FOXN2: variants seen among roughly 807,000 people sequenced by gnomAD.
FOXN2 encodes the protein forkhead box N2, also known as forkhead box protein N2.
In FOXN2, 19 loss-of-function variants were observed where a neutral mutation model predicts 41.2. The observed-to-expected ratio is 0.46, with a 90% CI of 0.32 to 0.68. The LOEUF is 0.68. Among genes scored for constraint, FOXN2 ranks in the 30% least tolerant of loss-of-function variants. FOXN2 has a pLI of 0.03. For missense variants in FOXN2, 587 were observed against 509.4 expected, an observed-to-expected ratio of 1.15 and a Z score of -1.47; for synonymous variants, 195 against 176.8, an observed-to-expected ratio of 1.10 and a Z score of -0.82.
At chr2:48,324,961 G>A (rs911904460) in intron 1 of FOXN2, among the ~76,000 whole-genome samples, 4 of 152,176 alleles carry the variant, frequency 2.6e-5, no homozygotes, top group African/African-American at 9.7e-5. Flanking sequence ...TGATGAGAGG[G>A]AAGGTAGACA....
At chr2:48,368,569 G>C (rs1022694666) in intron 5 of FOXN2, among the ~76,000 whole-genome samples, 1 of 152,136 alleles carries the variant, frequency 6.6e-6, no homozygotes, top group South Asian at 2.1e-4. Flanking sequence ...GTACACACCT[G>C]TGGTTCCAGC....
At chr2:48,357,840 T>C (rs955683025) in intron 3 of FOXN2, among the ~76,000 whole-genome samples, 1 of 147,756 alleles carries the variant, frequency 6.8e-6, no homozygotes, top group African/African-American at 2.5e-5. Flanking sequence ...CAAAAATACA[T>C]TTGTAAAACT....
At chr2:48,335,118 G>A (rs781066987) in intron 2 of FOXN2, among the ~76,000 whole-genome samples, 32 of 152,062 alleles carry the variant, frequency 2.1e-4, no homozygotes, top group East Asian at 1.9e-4. Context: ...CAAGGAAAAA[G>A]GCACAATATA....
chr2:48,333,178 C>T (rs1289477177), intron 2 of FOXN2, among the ~76,000 whole-genome samples: 1 of 151,970 alleles, frequency 6.6e-6, no homozygotes, highest in Non-Finnish European at 1.5e-5. Flanking sequence ...CAGAGCCATG[C>T]ATGTAGTAGA....
At chr2:48,364,457 C>G (rs1395024545) in intron 5 of FOXN2, among the ~76,000 whole-genome samples, 1 of 152,092 alleles carries the variant, frequency 6.6e-6, no homozygotes, top group Non-Finnish European at 1.5e-5. Context: ...TGAATAGATA[C>G]ACTTGCATGC....
In FOXN2 at chr2:48,346,305, G is replaced by A; in HGVS notation, c.91G>A (p.Gly31Arg). Reference sequence around the variant, plus strand: ...AGGATTAAGCCAGATTTACAAAATGGGAAGCTTGCCTGAAGCTGTTGATGC... The same window carrying A: ...AGGATTAAGCCAGATTTACAAAATGAGAAGCTTGCCTGAAGCTGTTGATGC... Reference protein sequence around the residue: ...IAGLSQIYKMGSLPEAVDAAR... With the variant: ...IAGLSQIYKMRSLPEAVDAAR... The change falls in exon 3 of 7, where the codon GGA becomes AGA. Residue 31 changes from glycine (G) to arginine (R), a missense_variant. Physicochemically the swap from Gly to Arg is moderately radical, Grantham distance 125 (BLOSUM62 -2). Transcript: ENST00000340553. The A allele has an allele frequency of 6.2e-7, 1 of 1,614,196 alleles. No homozygotes were observed. Among genetic ancestry groups the A allele is most frequent in the Non-Finnish European group, 8.5e-7 (1 of 1,180,032 alleles).
intron 2 of FOXN2, among the ~76,000 whole-genome samples, chr2:48,345,683 A>C (rs62137007): frequency 0.32 from 48,274 of 151,978 alleles, 8,373 homozygotes; most frequent in East Asian, 0.52. Flanking sequence ...GACGTGCTGT[A>C]AAAATAGTAT....
chr2:48,320,612 C>T (rs13432998), intron 1 of FOXN2, among the ~76,000 whole-genome samples: 68,526 of 151,782 alleles, frequency 0.45, 15,658 homozygotes, highest in East Asian at 0.52. Context: ...TCAATAATGC[C>T]GTAAGGAGTG....
chr2:48,339,029 T>C (rs905789443), intron 2 of FOXN2, among the ~76,000 whole-genome samples: 4 of 152,166 alleles, frequency 2.6e-5, no homozygotes, highest in African/African-American at 9.7e-5. Context: ...AAGGCTTCAA[T>C]AGATACTTTA....
rs190398995 is a variant in FOXN2, at chr2:48,376,965, T to C, written c.*1522T>C. On this transcript the variant is annotated 3_prime_UTR_variant, in exon 7 of 7. Coordinates refer to ENST00000340553, the MANE Select transcript of FOXN2 (RefSeq NM_002158.4). ...TGTTTCTGTGATTATAAAGCATTTT[T>C]TAAGAGACAAATTTTAACTTTTAAT... 2 of 152,454 alleles carry C rather than the reference T, an allele frequency of 1.3e-5. No homozygotes were observed. Among genetic ancestry groups the C allele is most frequent in the Admixed American group, 1.3e-4 (2 of 15,270 alleles). The allele number at this position is 152,454 out of a possible 1,614,324, so 9.4% of individuals were successfully genotyped here.
In FOXN2 at chr2:48,314,701, G is replaced by C. The variant is rs1668760967; in HGVS notation, c.-270G>C. On this transcript the variant is annotated 5_prime_UTR_variant, in exon 1 of 7. Coordinates refer to ENST00000340553, the MANE Select transcript of FOXN2 (RefSeq NM_002158.4). Reference sequence around the variant, plus strand: ...GCCGCCACTGCAGCTGCTGCTGCCTGCTGGTTGCCGCGTCTTCCCGGAGGC... The same window carrying C: ...GCCGCCACTGCAGCTGCTGCTGCCTCCTGGTTGCCGCGTCTTCCCGGAGGC... The C allele has an allele frequency of 1.3e-5, 2 of 152,936 alleles. No individual in the cohort carries two copies. Among genetic ancestry groups the C allele is most frequent in the African/African-American group, 4.8e-5 (2 of 41,464 alleles). 9.5% of individuals were successfully genotyped at this position (152,936 alleles called of 1,614,324 possible).
intron 3 of FOXN2, among the ~76,000 whole-genome samples, chr2:48,353,784 C>T (rs1190785158): frequency 6.6e-6 from 1 of 151,736 alleles, no homozygotes; most frequent in African/African-American, 2.4e-5. Flanking sequence ...TCTTTGCCTT[C>T]TTTGAAATTG....
intron 6 of FOXN2, among the ~76,000 whole-genome samples, chr2:48,374,671 G>A (rs1444354089): frequency 6.6e-6 from 1 of 152,076 alleles, no homozygotes; most frequent in Non-Finnish European, 1.5e-5. Flanking sequence ...TCATATTGAG[G>A]CATTCCTTGT....
rs537638237 is a variant in FOXN2, at chr2:48,328,143, A to G, written c.-156-418A>G. Among the ~76,000 whole-genome samples the G allele has an allele frequency of 2.0e-5, 3 of 152,372 alleles. No homozygotes were observed. In the South Asian group the frequency reaches 6.2e-4, roughly 32 times the overall value. Reference sequence around the variant, plus strand: ...TATTATACATAAACAAATTTTGATGACAAGACCACGTGTTTATATTCAAAT... The same window carrying G: ...TATTATACATAAACAAATTTTGATGGCAAGACCACGTGTTTATATTCAAAT... On this transcript the variant is annotated intron_variant, in intron 1 of 6. Coordinates refer to ENST00000340553, the MANE Select transcript of FOXN2 (RefSeq NM_002158.4).
chr2:48,338,109 A>G (rs955327983), intron 2 of FOXN2, among the ~76,000 whole-genome samples: 2 of 152,218 alleles, frequency 1.3e-5, no homozygotes, highest in Non-Finnish European at 2.9e-5. Flanking sequence ...TACCCTATAC[A>G]CTGTTATAAT....
At chr2:48,339,710 A>G (rs1337694411) in intron 2 of FOXN2, among the ~76,000 whole-genome samples, 2 of 152,186 alleles carry the variant, frequency 1.3e-5, no homozygotes, top group African/African-American at 4.8e-5. Context: ...GTTTGTCATC[A>G]ATTAAAGTTG....
intron 5 of FOXN2, among the ~76,000 whole-genome samples, chr2:48,369,815 G>A (rs925728624): frequency 6.6e-6 from 1 of 151,944 alleles, no homozygotes; most frequent in African/African-American, 2.4e-5. Context: ...AGGCAACACG[G>A]TAAAACCATA....
At chr2:48,365,106 A>C (rs1430494853) in intron 5 of FOXN2, among the ~76,000 whole-genome samples, 1 of 152,192 alleles carries the variant, frequency 6.6e-6, no homozygotes, top group Non-Finnish European at 1.5e-5. Flanking sequence ...CATAACCTTT[A>C]AAAATAGAAA....
At chr2:48,331,834 C>G (rs1448631385) in intron 2 of FOXN2, among the ~76,000 whole-genome samples, 1 of 151,546 alleles carries the variant, frequency 6.6e-6, no homozygotes, top group Admixed American at 6.6e-5. Context: ...AAGAAAAATC[C>G]CAGAACCTTT....
Sources: allele counts gnomAD v4.1 joint callset (sites outside exome capture counted in the v4.1 genomes callset), GRCh38; gene constraint gnomAD v4.1.1; transcripts MANE v1.5; gene names NCBI Gene and HGNC (gene_info 2026-07-23, HGNC 2026-07-21).